The following NIPBL variants were observed in gnomAD, a reference collection of about 807,000 sequenced individuals.
The protein encoded by NIPBL is NIPBL cohesin loading factor.
NIPBL carries 19 observed loss-of-function variants against 321.8 expected under a neutral mutation model. The ratio of observed to expected loss-of-function variants is 0.06; its 90% CI spans 0.04 to 0.09. The LOEUF is 0.09. Ranked by LOEUF, NIPBL falls within the 10% of genes least tolerant of loss-of-function variation. The probability of loss-of-function intolerance (pLI) is 1.00; values close to 1 mark genes in which losing one functional copy is unlikely to be tolerated. For synonymous variants in NIPBL, 1,106 were observed against 1,114.1 expected, an observed-to-expected ratio of 0.99 and a Z score of 0.14; for missense variants, 2,210 against 3,327.0, an observed-to-expected ratio of 0.66 and a Z score of 8.26.
chr5:36,913,282 A>T (rs915174766), intron 1 of NIPBL, among the ~76,000 whole-genome samples: 2 of 152,210 alleles, frequency 1.3e-5, no homozygotes, highest in Admixed American at 1.3e-4. Flanking sequence ...CAGCACACAC[A>T]AAAAAGTATG....
chr5:36,944,629 G>T (rs1366590572), intron 1 of NIPBL, among the ~76,000 whole-genome samples: 1 of 151,788 alleles, frequency 6.6e-6, no homozygotes, highest in Non-Finnish European at 1.5e-5. Context: ...ATCTCAAAAA[G>T]TTTCCATTTC....
chr5:37,051,264 T>C (rs975337776), intron 40 of NIPBL: 1 of 156,738 alleles, frequency 6.4e-6, no homozygotes, highest in East Asian at 1.9e-4. Flanking sequence ...TCACTTAACA[T>C]AGTAGTACTG....
intron 6 of NIPBL, 84 bp from the exon 7 acceptor site, chr5:36,970,792 C>T (rs1742767230): frequency 8.3e-7 from 1 of 1,209,530 alleles, no homozygotes; most frequent in African/African-American, 1.5e-5. Flanking sequence ...TTTCTATATG[C>T]TTAAAATATT....
chr5:37,037,382 C>T (rs998680821), intron 33 of NIPBL, among the ~76,000 whole-genome samples: 10 of 143,566 alleles, frequency 7.0e-5, no homozygotes, highest in African/African-American at 2.0e-4. Context: ...AGGGAGACTC[C>T]GTCTCAAAAA....
At chr5:36,947,078 T>C (rs965557594) in intron 1 of NIPBL, among the ~76,000 whole-genome samples, 4 of 152,086 alleles carry the variant, frequency 2.6e-5, no homozygotes, top group African/African-American at 4.8e-5. Context: ...TCCTTTGATA[T>C]TGGAATGATT....
chr5:36,955,800 A>G (rs1227712676), intron 3 of NIPBL, among the ~76,000 whole-genome samples, 163 bp downstream of exon 3: 1 of 152,182 alleles, frequency 6.6e-6, no homozygotes, highest in Non-Finnish European at 1.5e-5. Flanking sequence ...TAATAGATTA[A>G]TGAGATTTAA....
At chr5:37,029,628 A>G (rs1394385023) in intron 32 of NIPBL, among the ~76,000 whole-genome samples, 2 of 152,116 alleles carry the variant, frequency 1.3e-5, no homozygotes, top group Non-Finnish European at 2.9e-5. Context: ...AAACTGCCAA[A>G]ATGTTTTTCC....
rs780931147 is a variant in NIPBL, at chr5:36,975,809, C to G, written c.902C>G (p.Ser301Cys). Residue 301 changes from serine (S) to cysteine (C), a missense_variant, in exon 9 of 47, where the codon TCT becomes TGT. Physicochemically the swap from Ser to Cys is moderately radical, Grantham distance 112 (BLOSUM62 -1). Coordinates refer to ENST00000282516, the MANE Select transcript of NIPBL (RefSeq NM_133433.4). Reference sequence around the variant, plus strand: ...CCACCTTTAATCCTACAATCTCAGTCTCTACCTTGTTCATCACCTCGAGAT... The same window carrying G: ...CCACCTTTAATCCTACAATCTCAGTGTCTACCTTGTTCATCACCTCGAGAT... The part of the protein sequence containing the change: ...SRPPLILQSQ[S>C]LPCSSPRDVP... 1.9e-6 allele frequency: 3 copies of G among 1,613,472 alleles called. No homozygotes were observed. In the African/African-American group the frequency reaches 4.0e-5, roughly 22 times the overall value.
In NIPBL at chr5:36,986,077, A is replaced by T; in HGVS notation, c.2897A>T (p.Asp966Val). 1 of 1,614,014 alleles carries T rather than the reference A, an allele frequency of 6.2e-7. No homozygotes were observed. Among genetic ancestry groups the T allele is most frequent in the Non-Finnish European group, 8.5e-7 (1 of 1,179,940 alleles). ...ATTCCGAAAATCAAGAGGGATAAAG[A>T]TGGCAATGTTACTCAGGAGACAAAG... The part of the protein sequence containing the change: ...FVIPKIKRDK[D>V]GNVTQETKKM... Residue 966 changes from aspartate (D) to valine (V), a missense_variant, in exon 10 of 47, where the codon GAT becomes GTT. Physicochemically the swap from Asp to Val is radical, Grantham distance 152. Around this residue, in one of 14 missense-constraint regions of NIPBL, gnomAD observed 588 missense variants for 564.1 expected, o/e 1.04. Transcript: ENST00000282516.
chr5:36,987,453 T>C (rs1744951246), intron 10 of NIPBL, among the ~76,000 whole-genome samples: 1 of 152,198 alleles, frequency 6.6e-6, no homozygotes, highest in African/African-American at 2.4e-5. Flanking sequence ...CATCACAAAG[T>C]TGTATAGCAC....
intron 31 of NIPBL, 71 bp from the exon 32 acceptor site, chr5:37,027,288 G>C (rs1029311181): frequency 3.4e-6 from 4 of 1,173,662 alleles, no homozygotes; most frequent in African/African-American, 1.5e-5. Context: ...TCAGGCTAAA[G>C]CATAACAAAA....
At chr5:36,919,989 C>T (rs184393460) in intron 1 of NIPBL, among the ~76,000 whole-genome samples, 1 of 152,196 alleles carries the variant, frequency 6.6e-6, no homozygotes, top group East Asian at 1.9e-4. Context: ...TTGAGATTCA[C>T]TGAAGTTTCT....
chr5:37,048,714 T>C lies in NIPBL; in HGVS notation c.6763+39T>C, dbSNP rs773093020. 47 of 1,402,604 alleles carry C rather than the reference T, an allele frequency of 3.4e-5. No homozygotes were observed. In the Admixed American group the frequency reaches 8.1e-4, roughly 24 times the overall value. The allele number at this position is 1,402,604 out of a possible 1,614,324, so 86.9% of individuals were successfully genotyped here. A position where few individuals can be genotyped will look rare whatever the true frequency, so the allele number is the denominator to read the frequency against. ...TATTTTTAAATTTCATAGCTACATT[T>C]ATATTATAATGGCTTTATCTTCTTT... is the stretch of plus-strand genomic sequence containing the variant. On this transcript the variant is annotated intron_variant, in intron 39 of 46. Coordinates refer to ENST00000282516, the MANE Select transcript of NIPBL (RefSeq NM_133433.4).
chr5:36,916,342 T>TAAAA (rs1291366699), intron 1 of NIPBL, among the ~76,000 whole-genome samples: 17 of 152,260 alleles, frequency 1.1e-4, no homozygotes, highest in Non-Finnish European at 2.1e-4. Flanking sequence ...TCTGAAACTT[T>TAAAA]TTAACAATAC....
At chr5:36,948,361 T>G (rs1739917521) in intron 1 of NIPBL, among the ~76,000 whole-genome samples, 3 of 151,942 alleles carry the variant, frequency 2.0e-5, no homozygotes, top group African/African-American at 7.2e-5. Flanking sequence ...TGTAACCTGA[T>G]ACAGCATTTT....
At chr5:37,014,209 G>A (rs1748638036) in intron 21 of NIPBL, among the ~76,000 whole-genome samples, 1 of 151,974 alleles carries the variant, frequency 6.6e-6, no homozygotes, top group African/African-American at 2.4e-5. Flanking sequence ...AAGAGAGGGA[G>A]AGGGAGACCG....
At chr5:36,899,844 G>A (rs566643425) in intron 1 of NIPBL, among the ~76,000 whole-genome samples, 1 of 152,184 alleles carries the variant, frequency 6.6e-6, no homozygotes, top group South Asian at 2.1e-4. Flanking sequence ...ACTGTTCTTG[G>A]ACTTTATGAC....
intron 1 of NIPBL, among the ~76,000 whole-genome samples, chr5:36,906,960 A>T (rs1747686226): frequency 6.6e-6 from 1 of 152,190 alleles, no homozygotes; most frequent in Non-Finnish European, 1.5e-5. Context: ...TGAATTTTTC[A>T]ATGTAGTGCT....
chr5:37,010,025 A>G (rs974926086), intron 20 of NIPBL, 62 bp from the exon 21 acceptor site: 5 of 1,287,338 alleles, frequency 3.9e-6, no homozygotes, highest in Admixed American at 3.4e-5. Context: ...CTTTCAGACA[A>G]TAGATGACAT....
Sources: gnomAD v4.1 joint callset for allele counts (sites outside exome capture counted in the v4.1 genomes callset) on GRCh38, gnomAD v4.1.1 for gene constraint, gnomAD v4.1.1 regional missense constraint, MANE v1.5 for transcripts, NCBI Gene and HGNC (gene_info 2026-07-23, HGNC 2026-07-21) for gene names.